RBFOX1: variants seen among roughly 807,000 people sequenced by gnomAD.
RBFOX1 encodes the protein RNA binding protein fox-1 homolog 1.
A neutral mutation model predicts 57.7 loss-of-function variants in RBFOX1; 8 were observed. The ratio of observed to expected loss-of-function variants is 0.14; its 90% CI spans 0.08 to 0.25. The LOEUF is 0.25. RBFOX1 is among the 10% of genes least tolerant of loss of function. RBFOX1 has a pLI of 1.00. For missense variants in RBFOX1, 611 were observed against 548.5 expected, an observed-to-expected ratio of 1.11 and a Z score of -1.14; for synonymous variants, 326 against 222.4, an observed-to-expected ratio of 1.47 and a Z score of -4.15.
intron 5 of RBFOX1, among the ~76,000 whole-genome samples, chr16:7,567,525 C>T (rs2092122194): frequency 8.8e-6 from 1 of 113,156 alleles, no homozygotes; most frequent in African/African-American, 3.4e-5. Flanking sequence ...ATATATATAT[C>T]CCTATGTATG....
At chr16:7,277,704 G>C (rs531955133) in intron 4 of RBFOX1, among the ~76,000 whole-genome samples, 2 of 152,272 alleles carry the variant, frequency 1.3e-5, no homozygotes, top group East Asian at 3.9e-4. Context: ...AAAAATCAAA[G>C]CCAAGGACTT....
At chr16:6,303,970 C>T (rs968400703) in intron 1 of RBFOX1, among the ~76,000 whole-genome samples, 2 of 150,266 alleles carry the variant, frequency 1.3e-5, no homozygotes, top group African/African-American at 4.9e-5. Flanking sequence ...CACTACCATG[C>T]CTGGCTAATT....
rs1053687464 is a variant in RBFOX1 at position 6,909,166 on chromosome 16, C to T, written c.-15-142891C>T. On this transcript the variant is annotated intron_variant, in intron 3 of 15. Transcript: ENST00000550418. ...ATCAAACGTCAACAGTGTTGCATTT[C>T]TTCTGGAGGTTCTTTGGGAGAATGT... Among the ~76,000 whole-genome samples, 5 of 152,294 alleles carry T rather than the reference C, an allele frequency of 3.3e-5. No homozygotes were observed. The South Asian group carries it at 6.2e-4, about 19-fold the overall frequency.
intron 2 of RBFOX1, among the ~76,000 whole-genome samples, chr16:6,605,706 G>A (rs900096335): frequency 2.0e-5 from 3 of 152,214 alleles, no homozygotes; most frequent in Non-Finnish European, 4.4e-5. Context: ...GGGCCTAGAT[G>A]CTGTGTCAGC....
intron 3 of RBFOX1, among the ~76,000 whole-genome samples, chr16:6,667,202 C>G (rs1431986046): frequency 2.0e-5 from 3 of 152,088 alleles, no homozygotes; most frequent in Non-Finnish European, 4.4e-5. Flanking sequence ...GGCCGGAAAC[C>G]TAAACGACAG....
chr16:7,273,035 T>A (rs2095359134), intron 4 of RBFOX1, among the ~76,000 whole-genome samples: 1 of 123,508 alleles, frequency 8.1e-6, no homozygotes, highest in Non-Finnish European at 1.7e-5. Flanking sequence ...TCCTTTTCTT[T>A]CCTTCCCCTC....
chr16:7,017,141 C>G lies in RBFOX1; in HGVS notation c.-15-34916C>G, dbSNP rs903163074. Among the ~76,000 whole-genome samples the G allele has an allele frequency of 3.3e-5, 5 of 152,186 alleles. No individual in the cohort carries two copies. The East Asian group carries it at 9.7e-4, about 30-fold the overall frequency. On this transcript the variant is annotated intron_variant, in intron 3 of 15. Transcript: ENST00000550418. ...GTTCTCTCTAAATAAAAAAGCAAAA[C>G]AGCTGTTAAGGTGCAAACAGAGTCG...
chr16:7,436,936 C>T (rs1448108219), intron 4 of RBFOX1, among the ~76,000 whole-genome samples: 1 of 152,094 alleles, frequency 6.6e-6, no homozygotes, highest in Non-Finnish European at 1.5e-5. Context: ...ATAAAAATAG[C>T]TGGTCATGGT....
intron 2 of RBFOX1, among the ~76,000 whole-genome samples, chr16:6,638,698 G>A (rs898245344): frequency 1.3e-5 from 2 of 151,988 alleles, no homozygotes; most frequent in Non-Finnish European, 2.9e-5. Context: ...GTCTTATTAC[G>A]AGCACTCATT....
At chr16:6,509,775 TG>T (rs1471942091) in intron 2 of RBFOX1, among the ~76,000 whole-genome samples, 1 of 152,200 alleles carries the variant, frequency 6.6e-6, no homozygotes, top group African/African-American at 2.4e-5. Context: ...ATTGCAGATC[TG>T]TACCAAAATA....
intron 4 of RBFOX1, among the ~76,000 whole-genome samples, chr16:7,346,955 C>T (rs1463050749): frequency 6.6e-6 from 1 of 152,070 alleles, no homozygotes; most frequent in Non-Finnish European, 1.5e-5. Context: ...AGGTGTAGTG[C>T]ATGAACAATT....
chr16:6,511,715 G>A (rs1023655142), intron 2 of RBFOX1, among the ~76,000 whole-genome samples: 1 of 152,140 alleles, frequency 6.6e-6, no homozygotes, highest in Non-Finnish European at 1.5e-5. Context: ...ATTTGCTGAT[G>A]GAATGCATTA....
chr16:5,478,581 T>G (rs1302409850), intron 2 of RBFOX1, among the ~76,000 whole-genome samples: 4 of 152,210 alleles, frequency 2.6e-5, no homozygotes, highest in Non-Finnish European at 5.9e-5. Context: ...TTAGAAGCGC[T>G]AACAAATTCT....
chr16:6,400,812 G>A (rs1298275968), intron 2 of RBFOX1, among the ~76,000 whole-genome samples: 8 of 152,256 alleles, frequency 5.3e-5, no homozygotes, highest in African/African-American at 1.7e-4. Context: ...GGAGAATCAC[G>A]TGAACCCAGG....
chr16:5,531,073 C>T (rs893347593), intron 2 of RBFOX1, among the ~76,000 whole-genome samples: 19 of 151,622 alleles, frequency 1.3e-4, no homozygotes, highest in African/African-American at 7.3e-5. Flanking sequence ...TGCAGTAAGC[C>T]GAGATTGCGC....
intron 14 of RBFOX1, among the ~76,000 whole-genome samples, chr16:7,679,254 T>C (rs937743913): frequency 3.9e-5 from 6 of 152,190 alleles, no homozygotes; most frequent in African/African-American, 1.4e-4. Context: ...TGTGAAATTA[T>C]CAGAATAGCT....
chr16:7,134,998 G>T, intron 4 of RBFOX1, among the ~76,000 whole-genome samples: 1 of 151,302 alleles, frequency 6.6e-6, no homozygotes, highest in East Asian at 1.9e-4. Context: ...TTGCAAAGTG[G>T]GATTCCACAC....
chr16:6,365,286 G>C (rs1343183380), intron 2 of RBFOX1, among the ~76,000 whole-genome samples: 4 of 151,728 alleles, frequency 2.6e-5, no homozygotes, highest in Admixed American at 2.6e-4. Context: ...ATGAGTAGGT[G>C]GATGAATGGA....
At chr16:5,497,528 A>G (rs1245117449) in intron 2 of RBFOX1, among the ~76,000 whole-genome samples, 1 of 151,216 alleles carries the variant, frequency 6.6e-6, no homozygotes, top group Non-Finnish European at 1.5e-5. Context: ...TAATCCCAGC[A>G]CTTTGGGAGG....
Sources: gnomAD v4.1 joint callset for allele counts (sites outside exome capture counted in the v4.1 genomes callset) on GRCh38, gnomAD v4.1.1 for gene constraint, MANE v1.5 for transcripts, NCBI Gene and HGNC (gene_info 2026-07-23, HGNC 2026-07-21) for gene names.